The following TXNL1 variants were observed in gnomAD, a reference collection of about 807,000 sequenced individuals.
TXNL1 encodes thioredoxin like 1.
Under a neutral mutation model 35.5 loss-of-function variants are expected in TXNL1, and 14 were observed. The observed-to-expected ratio is 0.39, with a 90% CI of 0.26 to 0.62. TXNL1 has a LOEUF of 0.62. Among genes scored for constraint, TXNL1 ranks in the 20% least tolerant of loss-of-function variants. The pLI is 0.47. For missense variants in TXNL1, 263 were observed against 349.7 expected (o/e 0.75, Z 1.98); for synonymous variants, 110 against 115.5 (o/e 0.95, Z 0.31).
rs1419671087 is a variant in TXNL1, at chr18:56,626,382, T to C, written c.174A>G (p.Glu58=). ...SNKYPQAVFL[E]VDVHQCQGTA... ...TTACCTGACACTGATGTACATCGAC[T>C]TCCAAGAAAACAGCCTGTGGATATT... Residue 58 remains glutamate (E), a synonymous_variant, in exon 2 of 8, where the codon GAA becomes GAG. Transcript: ENST00000217515. 1.2e-6 allele frequency: 2 copies of C among 1,613,492 alleles called. No individual in the cohort carries two copies. Among genetic ancestry groups the C allele is most frequent in the Non-Finnish European group, 1.7e-6 (2 of 1,179,808 alleles).
intron 1 of TXNL1, among the ~76,000 whole-genome samples, chr18:56,628,358 C>T (rs1442082667): frequency 6.6e-6 from 1 of 152,100 alleles, no homozygotes; most frequent in African/African-American, 2.4e-5. Context: ...ACATCTAAGA[C>T]ACATGTTCAC....
chr18:56,619,531 T>C (rs2024147053), intron 3 of TXNL1, among the ~76,000 whole-genome samples: 1 of 82,130 alleles, frequency 1.2e-5, no homozygotes, highest in African/African-American at 4.2e-5. Context: ...AGCAAGACTC[T>C]GTCTCCAAAA....
rs955745705 is a variant in TXNL1, at chr18:56,599,360, TAAG to T, written c.*3664_*3666del. On this transcript the variant is annotated 3_prime_UTR_variant, in exon 8 of 8. Coordinates refer to ENST00000217515, the MANE Select transcript of TXNL1 (RefSeq NM_004786.3). ...TTAAAATGACATCAGTAGTCTTCCT[TAAG>T]AAGTATAGGCTTAACTGGGGAATAG... is the stretch of plus-strand genomic sequence containing the variant. The T allele has an allele frequency of 2.7e-4, 41 of 152,122 alleles. No homozygotes were observed. The highest frequency in any genetic ancestry group is 9.2e-4 in the African/African-American group (38 of 41,420). 9.4% of individuals were successfully genotyped at this position (152,122 alleles called of 1,614,324 possible). A position where few individuals can be genotyped will look rare whatever the true frequency, so the allele number is the denominator to read the frequency against.
intron 7 of TXNL1, chr18:56,609,289 A>T (rs903174876): frequency 5.9e-5 from 9 of 152,170 alleles, no homozygotes; most frequent in African/African-American, 2.2e-4. Flanking sequence ...AAATACTCTC[A>T]AACAAAAAAG....
At chr18:56,629,736 A>C (rs570452877) in intron 1 of TXNL1, among the ~76,000 whole-genome samples, 1 of 152,202 alleles carries the variant, frequency 6.6e-6, no homozygotes, top group East Asian at 1.9e-4. Context: ...GCATTTACAC[A>C]GGTGTCACAA....
chr18:56,622,248 T>G (rs1000104588), intron 3 of TXNL1, among the ~76,000 whole-genome samples: 2 of 151,612 alleles, frequency 1.3e-5, no homozygotes, highest in African/African-American at 4.8e-5. Context: ...TGGAAAACCA[T>G]GACAGAAAAA....
intron 1 of TXNL1, among the ~76,000 whole-genome samples, chr18:56,629,302 C>T (rs962998897): frequency 1.3e-5 from 2 of 152,110 alleles, no homozygotes; most frequent in Non-Finnish European, 2.9e-5. Flanking sequence ...CCAAGATGGG[C>T]GGATCACTTG....
intron 1 of TXNL1, among the ~76,000 whole-genome samples, chr18:56,626,797 C>CTTTTTTTTTTTTTTTTTTTTTTTT (rs386387792): frequency 3.6e-5 from 2 of 55,010 alleles, no homozygotes; most frequent in African/African-American, 6.8e-5. Flanking sequence ...CCAAGCCGGT[C>CTTTTTTTTTTTTTTTTTTTTTTTT]TTTTTTTTTT....
At position 56,598,763 on chromosome 18, in the gene TXNL1, C is replaced by T. The variant is rs969776745; in HGVS notation, c.*4264G>A. ...TCCTTGTTCCAGATACAAAGTAAGG[C>T]GCATCTTCAGAACAAGTCTAAGAGA... On this transcript the variant is annotated 3_prime_UTR_variant, in exon 8 of 8. Coordinates refer to ENST00000217515, the MANE Select transcript of TXNL1 (RefSeq NM_004786.3). 1 of 152,090 alleles carries T rather than the reference C, an allele frequency of 6.6e-6. No individual in the cohort carries two copies. Among genetic ancestry groups the T allele is most frequent in the Non-Finnish European group, 1.5e-5 (1 of 68,014 alleles). The allele number at this position is 152,090 out of a possible 1,614,324, so 9.4% of individuals were successfully genotyped here.
In TXNL1 at chr18:56,599,167, T is replaced by C. The variant is rs1280985025; in HGVS notation, c.*3860A>G. The C allele has an allele frequency of 2.6e-5, 4 of 152,150 alleles. No homozygotes were observed. Among genetic ancestry groups the C allele is most frequent in the Admixed American group, 6.5e-5 (1 of 15,278 alleles). 9.4% of individuals were successfully genotyped at this position (152,150 alleles called of 1,614,324 possible). On this transcript the variant is annotated 3_prime_UTR_variant, in exon 8 of 8. Coordinates refer to ENST00000217515, the MANE Select transcript of TXNL1 (RefSeq NM_004786.3). ...AGGTTATCTCTTTATCTTATAGTTC[T>C]CTAATTACACATTCTCCAACTAATA... is the stretch of plus-strand genomic sequence containing the variant.
chr18:56,620,407 A>G (rs1409277110), intron 3 of TXNL1, among the ~76,000 whole-genome samples: 3 of 152,258 alleles, frequency 2.0e-5, no homozygotes, highest in Non-Finnish European at 4.4e-5. Flanking sequence ...GTTCAAAAAT[A>G]AATTTAAAAG....
At chr18:56,637,933 T>C (rs1408535955) in intron 1 of TXNL1, among the ~76,000 whole-genome samples, 1 of 151,922 alleles carries the variant, frequency 6.6e-6, no homozygotes, top group African/African-American at 2.4e-5. Context: ...AGAAACAAAG[T>C]GTTCGGTAAA....
chr18:56,610,342 TAATG>T (rs1188604661), intron 7 of TXNL1: 3 of 152,306 alleles, frequency 2.0e-5, no homozygotes, highest in Non-Finnish European at 4.4e-5. Context: ...GTCGTTCCAG[TAATG>T]TACAGAAGGA....
In TXNL1 at chr18:56,602,927, T is replaced by C; in HGVS notation, c.*100A>G. On this transcript the variant is annotated 3_prime_UTR_variant, in exon 8 of 8. Transcript: ENST00000217515. ...AACAAAAGCAATGATTTATTGGTAA[T>C]GGCAATGAATGAAACATTGACAGTC... is the stretch of plus-strand genomic sequence containing the variant. The C allele has an allele frequency of 1.6e-6, 2 of 1,214,524 alleles. No individual in the cohort carries two copies. The highest frequency in any genetic ancestry group is 2.5e-5 in the South Asian group (2 of 80,968). 75.2% of individuals were successfully genotyped at this position (1,214,524 alleles called of 1,614,324 possible). A position where few individuals can be genotyped will look rare whatever the true frequency, so the allele number is the denominator to read the frequency against.
At chr18:56,625,328 A>G (rs1024472859) in intron 2 of TXNL1, among the ~76,000 whole-genome samples, 1 of 152,164 alleles carries the variant, frequency 6.6e-6, no homozygotes, top group African/African-American at 2.4e-5. Flanking sequence ...AAAAAGCAAA[A>G]TAAGTAAAAT....
chr18:56,601,639 A>G lies in TXNL1; in HGVS notation c.*1388T>C, dbSNP rs1438245335. The G allele has an allele frequency of 6.6e-6, 1 of 152,178 alleles. No individual in the cohort carries two copies. The highest frequency in any genetic ancestry group is 1.5e-5 in the Non-Finnish European group (1 of 68,030). The allele number at this position is 152,178 out of a possible 1,614,324, so 9.4% of individuals were successfully genotyped here. ...TCAGAAAGGGACTCTTTCAACACTAAAACTTCTGTAGAATTTTTTCATAAA... is the reference window on the plus strand; with the variant it reads ...TCAGAAAGGGACTCTTTCAACACTAGAACTTCTGTAGAATTTTTTCATAAA... On this transcript the variant is annotated 3_prime_UTR_variant, in exon 8 of 8. Transcript: ENST00000217515.
At chr18:56,615,655 A>C (rs2024074272) in intron 5 of TXNL1, among the ~76,000 whole-genome samples, 1 of 152,206 alleles carries the variant, frequency 6.6e-6, no homozygotes. Flanking sequence ...TTTTGATTCT[A>C]AAATACGGCT....
intron 1 of TXNL1, among the ~76,000 whole-genome samples, chr18:56,627,760 A>C (rs963641370): frequency 6.6e-6 from 1 of 152,124 alleles, no homozygotes; most frequent in African/African-American, 2.4e-5. Flanking sequence ...TCTAAATGTA[A>C]AAGGTGAAAC....
intron 6 of TXNL1, among the ~76,000 whole-genome samples, chr18:56,612,151 G>A (rs557705996): frequency 6.6e-6 from 1 of 151,234 alleles, no homozygotes; most frequent in African/African-American, 2.4e-5. Flanking sequence ...ACAGGTGTGA[G>A]CCACCGCGCC....
Sources: allele counts gnomAD v4.1 joint callset (sites outside exome capture counted in the v4.1 genomes callset), GRCh38; gene constraint gnomAD v4.1.1; transcripts MANE v1.5; gene names NCBI Gene and HGNC (gene_info 2026-07-23, HGNC 2026-07-21).